Variants in ANKRD12 observed in about 807,000 individuals in gnomAD.
ANKRD12 encodes the protein ankyrin repeat domain 12.
A neutral mutation model predicts 183.4 loss-of-function variants in ANKRD12; 85 were observed. The ratio of observed to expected loss-of-function variants is 0.46; its 90% CI spans 0.39 to 0.56. The LOEUF (loss-of-function observed/expected upper bound fraction) is 0.56, where lower values mean the gene tolerates loss of function less well. Ranked by LOEUF, ANKRD12 falls within the 20% of genes least tolerant of loss-of-function variation. The pLI, the probability that ANKRD12 is intolerant of heterozygous loss-of-function variation, is 0.00. For synonymous variants in ANKRD12, 914 were observed against 800.2 expected, an observed-to-expected ratio of 1.14 and a Z score of -2.40; for missense variants, 2,405 against 2,357.1, an observed-to-expected ratio of 1.02 and a Z score of -0.42.
At chr18:9,177,375 T>C (rs1349696316) in intron 1 of ANKRD12, among the ~76,000 whole-genome samples, 1 of 152,300 alleles carries the variant, frequency 6.6e-6, no homozygotes. Flanking sequence ...ACATTTAGTC[T>C]TCTTAGTCTT....
chr18:9,203,830 T>A (rs959931375), intron 3 of ANKRD12, among the ~76,000 whole-genome samples: 9 of 152,082 alleles, frequency 5.9e-5, no homozygotes, highest in African/African-American at 2.2e-4. Flanking sequence ...GTCTTGAACT[T>A]CTGACCTCAG....
chr18:9,225,700 C>A (rs1239128436), intron 8 of ANKRD12, among the ~76,000 whole-genome samples: 1 of 152,134 alleles, frequency 6.6e-6, no homozygotes, highest in Non-Finnish European at 1.5e-5. Context: ...CTTTCGAAAT[C>A]CAAATATGAT....
At chr18:9,172,040 ACG>A (rs1568250242) in intron 1 of ANKRD12, among the ~76,000 whole-genome samples, 2 of 150,644 alleles carry the variant, frequency 1.3e-5, no homozygotes, top group Non-Finnish European at 3.0e-5. Flanking sequence ...AAAAAAAAAA[ACG>A]AATGTTGAAT....
At chr18:9,271,249 A>T (rs1030154096) in intron 10 of ANKRD12, among the ~76,000 whole-genome samples, 1 of 152,092 alleles carries the variant, frequency 6.6e-6, no homozygotes, top group African/African-American at 2.4e-5. Context: ...TTTTTTAAAA[A>T]AATTTTTGCC....
At chr18:9,147,611 C>T (rs1214595923) in intron 1 of ANKRD12, among the ~76,000 whole-genome samples, 4 of 152,110 alleles carry the variant, frequency 2.6e-5, no homozygotes, top group Admixed American at 2.6e-4. Context: ...CATCTTAAGT[C>T]TGTTGCACAT....
intron 8 of ANKRD12, chr18:9,239,428 C>T: frequency 1.1e-6 from 1 of 895,674 alleles, no homozygotes; most frequent in Non-Finnish European, 1.5e-6. Flanking sequence ...TTGATTTTCA[C>T]TGATCTTGAT....
chr18:9,264,863 G>A (rs536633117), intron 10 of ANKRD12, among the ~76,000 whole-genome samples: 64 of 152,346 alleles, frequency 4.2e-4, no homozygotes, highest in Non-Finnish European at 7.3e-4. Context: ...CTTGAGGGGT[G>A]GAGCCAAGAT....
chr18:9,211,154 C>T (rs1352402219), intron 5 of ANKRD12, among the ~76,000 whole-genome samples: 1 of 152,006 alleles, frequency 6.6e-6, no homozygotes, highest in Non-Finnish European at 1.5e-5. Context: ...CCTTGATTTG[C>T]ACATAATATA....
chr18:9,228,640 C>G (rs2036862251), intron 8 of ANKRD12, among the ~76,000 whole-genome samples: 1 of 151,968 alleles, frequency 6.6e-6, no homozygotes, highest in African/African-American at 2.4e-5. Flanking sequence ...AGTCCTTTGC[C>G]CATTTTTTAA....
Position 9,256,078 on chromosome 18 carries a change from A to G in ANKRD12, c.2811A>G (p.Gln937=), listed in dbSNP as rs369283742. The change falls in exon 9 of 13, where the codon CAA becomes CAG. Residue 937 remains glutamine (Q), a synonymous_variant. Coordinates refer to ENST00000262126, the MANE Select transcript of ANKRD12 (RefSeq NM_015208.5). ...EKHLMEKKNK[Q]SDNSEYSKSE... Reference sequence around the variant, plus strand: ...ACTTGATGGAGAAAAAAAATAAACAATCAGATAATAGTGAATACAGTAAAT... The same window carrying G: ...ACTTGATGGAGAAAAAAAATAAACAGTCAGATAATAGTGAATACAGTAAAT... The G allele has an allele frequency of 2.2e-5, 34 of 1,564,502 alleles. No individual in the cohort carries two copies. The highest frequency in any genetic ancestry group is 2.8e-5 in the African/African-American group (2 of 72,196).
intron 2 of ANKRD12, among the ~76,000 whole-genome samples, chr18:9,191,576 CAAT>C (rs1022885705): frequency 1.0e-3 from 157 of 152,168 alleles, no homozygotes; most frequent in African/African-American, 3.7e-3. Flanking sequence ...TTATTCGTAA[CAAT>C]GATTCATTTT....
In ANKRD12 at chr18:9,182,378, A is replaced by G; in HGVS notation, c.-51-4A>G. On this transcript the variant is annotated splice_region_variant and splice_polypyrimidine_tract_variant and intron_variant, in intron 1 of 12. Coordinates refer to ENST00000262126, the MANE Select transcript of ANKRD12 (RefSeq NM_015208.5). ...AATAACCCTTATATATCTATTCTTT[A>G]CAGATCCAGGATGAGAAGACTGATA... The G allele has an allele frequency of 8.3e-7, 1 of 1,208,324 alleles. No individual in the cohort carries two copies. Among genetic ancestry groups the G allele is most frequent in the South Asian group, 1.3e-5 (1 of 76,232 alleles). The allele number at this position is 1,208,324 out of a possible 1,614,324, so 74.9% of individuals were successfully genotyped here. A position where few individuals can be genotyped will look rare whatever the true frequency, so the allele number is the denominator to read the frequency against.
chr18:9,154,914 A>G (rs2030175550), intron 1 of ANKRD12, among the ~76,000 whole-genome samples: 1 of 152,284 alleles, frequency 6.6e-6, no homozygotes, highest in East Asian at 1.9e-4. Flanking sequence ...TCAAGTGGGT[A>G]TTTACATACA....
chr18:9,159,964 G>A (rs1454895050), intron 1 of ANKRD12, among the ~76,000 whole-genome samples: 2 of 150,904 alleles, frequency 1.3e-5, no homozygotes, highest in African/African-American at 4.9e-5. Flanking sequence ...ACCACCACAC[G>A]CAGCTCATTT....
At chr18:9,199,404 A>G (rs1458919331) in intron 3 of ANKRD12, among the ~76,000 whole-genome samples, 1 of 152,192 alleles carries the variant, frequency 6.6e-6, no homozygotes, top group East Asian at 1.9e-4. Context: ...TGCACACATG[A>G]TGTATATTAA....
chr18:9,205,243 A>G (rs1006238791), intron 4 of ANKRD12, among the ~76,000 whole-genome samples: 3 of 101,312 alleles, frequency 3.0e-5, no homozygotes, highest in Non-Finnish European at 5.9e-5. Flanking sequence ...AGTATGTGAC[A>G]GCTAATTAGT....
At chr18:9,233,071 C>G (rs576948125) in intron 8 of ANKRD12, among the ~76,000 whole-genome samples, 1 of 151,966 alleles carries the variant, frequency 6.6e-6, no homozygotes, top group Non-Finnish European at 1.5e-5. Context: ...AGGCTGCTCT[C>G]GAACTTCTGG....
Position 9,283,195 on chromosome 18 carries a change from A to G in ANKRD12, c.*2069A>G, listed in dbSNP as rs1363869881. 1.3e-5 allele frequency: 2 copies of G among 152,210 alleles called. No individual in the cohort carries two copies. The highest frequency in any genetic ancestry group is 2.4e-5 in the African/African-American group (1 of 41,470). The allele number at this position is 152,210 out of a possible 1,614,324, so 9.4% of individuals were successfully genotyped here. A position where few individuals can be genotyped will look rare whatever the true frequency, so the allele number is the denominator to read the frequency against. On this transcript the variant is annotated 3_prime_UTR_variant, in exon 13 of 13. Coordinates refer to ENST00000262126, the MANE Select transcript of ANKRD12 (RefSeq NM_015208.5). ...GAAAATCAGAGAGGGGTAAGTTTAT[A>G]GGGCATTTTGTTCTGATGGTTCAAC...
chr18:9,187,846 C>T (rs1567894056), intron 2 of ANKRD12, among the ~76,000 whole-genome samples: 1 of 152,140 alleles, frequency 6.6e-6, no homozygotes, highest in Admixed American at 6.5e-5. Flanking sequence ...TTATTTTAAC[C>T]ATCTGAATAG....
Sources: allele counts gnomAD v4.1 joint callset (sites outside exome capture counted in the v4.1 genomes callset), GRCh38; gene constraint gnomAD v4.1.1; transcripts MANE v1.5; gene names NCBI Gene and HGNC (gene_info 2026-07-23, HGNC 2026-07-21).